The following HK1 variants were observed in gnomAD, a reference collection of about 807,000 sequenced individuals.
HK1 encodes hexokinase-1.
Under a neutral mutation model 91.6 loss-of-function variants are expected in HK1, and 28 were observed. That is an observed-to-expected ratio of 0.31 (90% CI 0.23 to 0.42). The LOEUF (loss-of-function observed/expected upper bound fraction) is 0.42. Ranked by LOEUF, HK1 falls within the 10% of genes least tolerant of loss-of-function variation. The probability of loss-of-function intolerance (pLI) is 1.00; values close to 1 mark genes in which losing one functional copy is unlikely to be tolerated. For synonymous variants in HK1, 430 were observed against 468.1 expected (o/e 0.92, Z 1.05); for missense variants, 770 against 1,219.8 (o/e 0.63, Z 5.49).
chr10:69,351,370 G>A (rs954256959), intron 2 of HK1, among the ~76,000 whole-genome samples: 3 of 151,994 alleles, frequency 2.0e-5, no homozygotes, highest in Admixed American at 6.6e-5. Context: ...TGAGCTGGGC[G>A]TGGTGGTGGG....
rs1344755491 is a variant in HK1, at chr10:69,382,809, G to A, written c.1570+18G>A. 1.9e-6 allele frequency: 3 copies of A among 1,606,136 alleles called. No individual in the cohort carries two copies. In the African/African-American group the frequency reaches 4.0e-5, roughly 21 times the overall value. On this transcript the variant is annotated intron_variant, in intron 10 of 17. Transcript: ENST00000359426. ...CGGGACCGGTGAGGGCCTGCTGGGG[G>A]CTGACATGCCTGTCCTGCTCCTGCC...
chr10:69,385,619 C>G (rs1310716292), intron 12 of HK1, among the ~76,000 whole-genome samples: 1 of 152,144 alleles, frequency 6.6e-6, no homozygotes. Flanking sequence ...GGAGACGTGA[C>G]CAGGCAGGAG....
At position 69,382,808 on chromosome 10, in the gene HK1, G is replaced by A. The variant is rs767117767; in HGVS notation, c.1570+17G>A. The A allele has an allele frequency of 2.5e-6, 4 of 1,606,394 alleles. No individual in the cohort carries two copies. In the South Asian group the frequency reaches 4.5e-5, roughly 18 times the overall value. On this transcript the variant is annotated intron_variant, in intron 10 of 17. Coordinates refer to ENST00000359426, the MANE Select transcript of HK1 (RefSeq NM_000188.3). Reference sequence around the variant, plus strand: ...ACGGGACCGGTGAGGGCCTGCTGGGGGCTGACATGCCTGTCCTGCTCCTGC... The same window carrying A: ...ACGGGACCGGTGAGGGCCTGCTGGGAGCTGACATGCCTGTCCTGCTCCTGC...
At chr10:69,368,720 G>A (rs1849833880) in intron 5 of HK1, 89 bp downstream of exon 5, 6 of 1,013,948 alleles carry the variant, frequency 5.9e-6, no homozygotes, top group African/African-American at 1.6e-5. Context: ...CTTCCTGGGG[G>A]GCAGTAGTGC....
chr10:69,306,299 A>G (rs1311771451), intron 5 of HK1, among the ~76,000 whole-genome samples: 1 of 152,108 alleles, frequency 6.6e-6, no homozygotes, highest in Non-Finnish European at 1.5e-5. Context: ...TGGAGCTTGC[A>G]GTGAGCTGAG....
At chr10:69,311,396 G>A (rs1564501832), upstream of HK1, among the ~76,000 whole-genome samples, 1 of 152,146 alleles carries the variant, frequency 6.6e-6, no homozygotes, top group African/African-American at 2.4e-5. Flanking sequence ...ATGCTAACTC[G>A]AAGGAAAGGA....
intron 3 of HK1, among the ~76,000 whole-genome samples, chr10:69,289,627 A>G (rs1845200961): frequency 6.6e-6 from 1 of 151,250 alleles, no homozygotes; most frequent in Non-Finnish European, 1.5e-5. Flanking sequence ...GTGCGCCACC[A>G]TGCCTGGCTA....
chr10:69,371,133 T>C (rs145925460), intron 7 of HK1, among the ~76,000 whole-genome samples: 1 of 152,282 alleles, frequency 6.6e-6, no homozygotes, highest in African/African-American at 2.4e-5. Context: ...TGGATTTTCA[T>C]CAATGGCGAG....
intron 2 of HK1, among the ~76,000 whole-genome samples, chr10:69,346,279 A>G (rs1848554893): frequency 1.3e-5 from 2 of 152,182 alleles, no homozygotes; most frequent in South Asian, 4.1e-4. Flanking sequence ...CAAACCACGG[A>G]GGGATAAATT....
intron 13 of HK1, 28 bp downstream of exon 13, chr10:69,386,446 A>C: frequency 6.4e-7 from 1 of 1,554,134 alleles, no homozygotes; most frequent in Non-Finnish European, 8.9e-7. Flanking sequence ...GTTTTTTAAA[A>C]TCTTTACTGT....
At chr10:69,398,277 A>G (rs1352070421) in intron 16 of HK1, among the ~76,000 whole-genome samples, 1 of 152,274 alleles carries the variant, frequency 6.6e-6, no homozygotes, top group Admixed American at 6.5e-5. Context: ...GGAAAGAGAA[A>G]GAAAATCACA....
chr10:69,342,237 G>A (rs960847795), intron 1 of HK1, among the ~76,000 whole-genome samples: 1 of 152,122 alleles, frequency 6.6e-6, no homozygotes, highest in Non-Finnish European at 1.5e-5. Flanking sequence ...AGCCTTGTGG[G>A]GCTGTAAATC....
intron 7 of HK1, among the ~76,000 whole-genome samples, chr10:69,376,299 T>C (rs1839102058): frequency 6.6e-6 from 1 of 152,026 alleles, no homozygotes; most frequent in African/African-American, 2.4e-5. Flanking sequence ...GGAGGGTCGC[T>C]TGGGCCCATG....
intron 1 of HK1, among the ~76,000 whole-genome samples, chr10:69,324,326 C>T (rs958977628): frequency 6.6e-6 from 1 of 152,188 alleles, no homozygotes; most frequent in African/African-American, 2.4e-5. Context: ...CGTGGTGGCT[C>T]ATGCCTATAA....
At position 69,318,853 on chromosome 10, in the gene HK1, G is replaced by A. The variant is rs1846820345; in HGVS notation, c.-95G>A. The A allele has an allele frequency of 6.7e-7, 1 of 1,490,958 alleles. No homozygotes were observed. The allele number at this position is 1,490,958 out of a possible 1,614,324, so 92.4% of individuals were successfully genotyped here. A position where few individuals can be genotyped will look rare whatever the true frequency, so the allele number is the denominator to read the frequency against. On this transcript the variant is annotated 5_prime_UTR_variant, in exon 1 of 18. Coordinates refer to ENST00000359426, the MANE Select transcript of HK1 (RefSeq NM_000188.3). ...GGAGCCGGGGGAGGAGGAGGAGGAG[G>A]AGCCGCCGAGCAGCCGCCGGAGGAC...
chr10:69,398,121 T>G (rs1197465728), intron 16 of HK1, among the ~76,000 whole-genome samples: 1 of 152,234 alleles, frequency 6.6e-6, no homozygotes, highest in Non-Finnish European at 1.5e-5. Flanking sequence ...AAATGTTTCT[T>G]TATAATAGCA....
At chr10:69,363,334 C>A (rs971637132) in intron 3 of HK1, among the ~76,000 whole-genome samples, 2 of 152,196 alleles carry the variant, frequency 1.3e-5, no homozygotes, top group Non-Finnish European at 2.9e-5. Context: ...GTTCTTAGTT[C>A]TACTAACCAC....
Position 69,369,245 on chromosome 10 carries a change from T to A in HK1, c.600T>A (p.Asp200Glu). The A allele has an allele frequency of 1.2e-6, 2 of 1,613,726 alleles. No homozygotes were observed. Among genetic ancestry groups the A allele is most frequent in the Non-Finnish European group, 1.7e-6 (2 of 1,179,558 alleles). ...CCGTTATCTGTCCCCAGGACTATGA[T>A]GCCAACATCGTAGCTGTGGTGAATG... ...NKAIKKRGDYDANIVAVVNDT... is the reference protein window; with the variant it reads ...NKAIKKRGDYEANIVAVVNDT... The change falls in exon 6 of 18, where the codon GAT becomes GAA. Residue 200 changes from aspartate (D) to glutamate (E), a missense_variant. Asp to Glu is a conservative substitution (Grantham distance 45, BLOSUM62 2). Coordinates refer to ENST00000359426, the MANE Select transcript of HK1 (RefSeq NM_000188.3). The surrounding 1 kb of genome is among the most constrained non-coding windows in gnomAD (Gnocchi z 4.4).
chr10:69,328,195 C>T (rs770545344), intron 1 of HK1, among the ~76,000 whole-genome samples: 3 of 152,212 alleles, frequency 2.0e-5, no homozygotes, highest in Non-Finnish European at 2.9e-5. Context: ...GCTGTACCCA[C>T]GTGGCAGGGA....
Sources: gnomAD v4.1 joint callset for allele counts (sites outside exome capture counted in the v4.1 genomes callset) on GRCh38, gnomAD v4.1.1 for gene constraint, Gnocchi (gnomAD v3.1) non-coding constraint, MANE v1.5 for transcripts, NCBI Gene and HGNC (gene_info 2026-07-23, HGNC 2026-07-21) for gene names.